Variants in ATG10 observed in about 807,000 individuals in gnomAD.
ATG10 encodes the protein autophagy related 10.
Under a neutral mutation model 32.1 loss-of-function variants are expected in ATG10, and 30 were observed. That is an observed-to-expected ratio of 0.94 (90% CI 0.70 to 1.27). ATG10 has a LOEUF of 1.27. ATG10 is among the 50% of genes most tolerant of loss of function. ATG10 has a pLI of 0.00. For missense variants in ATG10, 233 were observed against 262.3 expected, an observed-to-expected ratio of 0.89 and a Z score of 0.77; for synonymous variants, 87 against 91.5, an observed-to-expected ratio of 0.95 and a Z score of 0.28.
chr5:82,005,862 A>G (rs1174833153), intron 2 of ATG10, among the ~76,000 whole-genome samples: 1 of 152,174 alleles, frequency 6.6e-6, no homozygotes, highest in Non-Finnish European at 1.5e-5. Flanking sequence ...TTAATACTAG[A>G]TCATTTTGTG....
intron 4 of ATG10, among the ~76,000 whole-genome samples, chr5:82,172,563 C>A (rs1743848049): frequency 6.6e-6 from 1 of 152,176 alleles, no homozygotes; most frequent in East Asian, 1.9e-4. Context: ...TATTATTACC[C>A]TCATGTGAAG....
intron 2 of ATG10, among the ~76,000 whole-genome samples, chr5:82,011,290 T>C (rs1240957539): frequency 6.6e-6 from 1 of 152,222 alleles, no homozygotes; most frequent in Non-Finnish European, 1.5e-5. Flanking sequence ...ATATACTGAA[T>C]GGATCATTAC....
chr5:81,980,467 A>C (rs1229356275), intron 1 of ATG10, among the ~76,000 whole-genome samples: 1 of 152,054 alleles, frequency 6.6e-6, no homozygotes, highest in Non-Finnish European at 1.5e-5. Flanking sequence ...TACACTTGGA[A>C]GCTGGAGGAA....
rs376272515 is a variant in ATG10, at chr5:82,079,321, T to A, written c.216+20719T>A. Among the ~76,000 whole-genome samples, 45 of 151,168 alleles carry A rather than the reference T, an allele frequency of 3.0e-4. No individual in the cohort carries two copies. The East Asian group carries it at 7.6e-3, about 26-fold the overall frequency. On this transcript the variant is annotated intron_variant, in intron 3 of 7. Transcript: ENST00000282185. ...CAAGGGGAACAAGTCACATCTTACA[T>A]GGATGGCAGCAGGCAAAGAGAGAGA...
chr5:81,989,024 GT>G (rs1761374359), intron 2 of ATG10, among the ~76,000 whole-genome samples: 1 of 152,084 alleles, frequency 6.6e-6, no homozygotes, highest in African/African-American at 2.4e-5. Flanking sequence ...TAGAGACAAG[GT>G]TTGGCCATGT....
chr5:82,130,563 G>A (rs1448320870), intron 3 of ATG10, among the ~76,000 whole-genome samples: 1 of 152,036 alleles, frequency 6.6e-6, no homozygotes, highest in Admixed American at 6.6e-5. Context: ...ATTCCTTAAG[G>A]CACAGTTCCT....
intron 3 of ATG10, among the ~76,000 whole-genome samples, chr5:82,096,637 G>T (rs1765074910): frequency 6.6e-6 from 1 of 152,088 alleles, no homozygotes; most frequent in South Asian, 2.1e-4. Flanking sequence ...TGCATAATGG[G>T]GCCCATCTGT....
chr5:82,063,548 A>T (rs1184996668), intron 3 of ATG10, among the ~76,000 whole-genome samples: 7 of 150,530 alleles, frequency 4.7e-5, no homozygotes, highest in African/African-American at 7.4e-5. Context: ...GCTGGACTGC[A>T]GTGGTGTGAT....
At chr5:82,242,811 G>A in intron 5 of ATG10, 1 of 451,902 alleles carries the variant, frequency 2.2e-6, no homozygotes, top group Non-Finnish European at 4.4e-6. Flanking sequence ...TCACCAAGAG[G>A]TGTTCAGAAG....
chr5:82,113,422 A>G lies in ATG10; in HGVS notation c.217-50977A>G, dbSNP rs1055566994. Reference sequence around the variant, plus strand: ...AATAGAGATAAAGTATTATTATATAAAAAGTCAAATTTTTCAGTTTTTCAT... The same window carrying G: ...AATAGAGATAAAGTATTATTATATAGAAAGTCAAATTTTTCAGTTTTTCAT... On this transcript the variant is annotated intron_variant, in intron 3 of 7. Coordinates refer to ENST00000282185, the MANE Select transcript of ATG10 (RefSeq NM_031482.5). Among the ~76,000 whole-genome samples, 6 of 152,134 alleles carry G rather than the reference A, an allele frequency of 3.9e-5. No individual in the cohort carries two copies. The South Asian group carries it at 8.3e-4, about 21-fold the overall frequency.
chr5:81,976,766 G>A (rs2149651095), intron 1 of ATG10, among the ~76,000 whole-genome samples: 1 of 152,262 alleles, frequency 6.6e-6, no homozygotes, highest in South Asian at 2.1e-4. Context: ...TAAGCTTGTG[G>A]GAGTTATTTA....
intron 2 of ATG10, among the ~76,000 whole-genome samples, chr5:81,996,039 TTTAA>T (rs1761654738): frequency 1.3e-5 from 2 of 152,172 alleles, no homozygotes; most frequent in Middle Eastern, 3.4e-3. Flanking sequence ...TTTACTTAAA[TTTAA>T]TTATTCACTT....
intron 5 of ATG10, among the ~76,000 whole-genome samples, chr5:82,195,609 G>A (rs980062182): frequency 6.6e-6 from 1 of 152,094 alleles, no homozygotes; most frequent in Non-Finnish European, 1.5e-5. Flanking sequence ...TTATTCTGGA[G>A]ATTTTATATC....
chr5:82,252,721 A>C (rs142883018), intron 6 of ATG10, 62 bp downstream of exon 6: 40 of 951,782 alleles, frequency 4.2e-5, no homozygotes, highest in Non-Finnish European at 5.9e-5. Context: ...AAATCTTTTT[A>C]TGTGACTCTA....
intron 3 of ATG10, among the ~76,000 whole-genome samples, chr5:82,084,420 C>G (rs1367018382): frequency 6.6e-6 from 1 of 152,150 alleles, no homozygotes; most frequent in Non-Finnish European, 1.5e-5. Context: ...AGGATATTAT[C>G]CAGGAGAACT....
At chr5:82,063,109 A>G (rs1224142508) in intron 3 of ATG10, among the ~76,000 whole-genome samples, 1 of 152,098 alleles carries the variant, frequency 6.6e-6, no homozygotes, top group African/African-American at 2.4e-5. Flanking sequence ...GCTTGAGGCC[A>G]GGAGTTTGAG....
At chr5:82,177,998 C>T (rs1375830647) in intron 4 of ATG10, among the ~76,000 whole-genome samples, 2 of 152,072 alleles carry the variant, frequency 1.3e-5, no homozygotes, top group East Asian at 1.9e-4. Flanking sequence ...GGAGAAATTG[C>T]GTGTTTTTCT....
rs371581160 is a variant in ATG10, at chr5:82,118,400, A to ATATATATATATATATATATATAT, written c.217-45994_217-45993insATATATATATATATATATTATAT. On this transcript the variant is annotated intron_variant, in intron 3 of 7. Transcript: ENST00000282185. ...ATAATATATGTACATATATATATAT[A>ATATATATATATATATATATATAT]TATATGTATGTATATATTCCCTAGC... Among the ~76,000 whole-genome samples, 397 of 115,792 alleles carry ATATATATATATATATATATATAT rather than the reference A, an allele frequency of 3.4e-3. 12 individuals carry two copies. The highest frequency in any genetic ancestry group is 5.6e-3 in the South Asian group (18 of 3,230). The allele number at this position is 115,792 out of a possible 152,430, so 76.0% of individuals were successfully genotyped here. A position where few individuals can be genotyped will look rare whatever the true frequency, so the allele number is the denominator to read the frequency against.
intron 5 of ATG10, among the ~76,000 whole-genome samples, chr5:82,246,894 T>C (rs1181885325): frequency 7.9e-6 from 1 of 126,638 alleles, no homozygotes; most frequent in African/African-American, 3.0e-5. Context: ...ATATTTATAT[T>C]ACTTTCATTT....
Sources: gnomAD v4.1 joint callset for allele counts (sites outside exome capture counted in the v4.1 genomes callset) on GRCh38, gnomAD v4.1.1 for gene constraint, MANE v1.5 for transcripts, NCBI Gene and HGNC (gene_info 2026-07-23, HGNC 2026-07-21) for gene names.